BLTP1: variants seen among roughly 807,000 people sequenced by gnomAD.
BLTP1 encodes fragile site-associated protein.
chr4:122,310,053 A>C, the BLTP1 span, among the ~76,000 whole-genome samples: 4 of 151,954 alleles, frequency 2.6e-5, no homozygotes, highest in African/African-American at 9.7e-5. Flanking sequence ...AAGCATCATT[A>C]ATCTTAATAA....
chr4:122,237,390 A>AAAATCATGTATTGAGTGC, the BLTP1 span: 1 of 981,452 alleles, frequency 1.0e-6, no homozygotes, highest in Non-Finnish European at 1.2e-6. Flanking sequence ...GTTCATTCAT[A>AAAATCATGTATTGAGTGC]AAATCATGTA....
At chr4:122,166,724 T>A in the BLTP1 span, among the ~76,000 whole-genome samples, 20 of 152,312 alleles carry the variant, frequency 1.3e-4, no homozygotes, top group Non-Finnish European at 2.9e-4. Context: ...TGTTCTTCCA[T>A]TTGTTTGTAT....
the BLTP1 span, chr4:122,229,210 T>A: frequency 6.2e-7 from 1 of 1,611,328 alleles, no homozygotes; most frequent in Non-Finnish European, 8.5e-7. Flanking sequence ...ATATTTACAT[T>A]GTTGAGCATG....
the BLTP1 span, chr4:122,238,440 T>C: frequency 1.0e-6 from 1 of 979,248 alleles, no homozygotes. Flanking sequence ...CCCTCTCCAC[T>C]CCCCCACTTT....
the BLTP1 span, chr4:122,274,444 T>C: frequency 1.3e-6 from 2 of 1,589,512 alleles, no homozygotes; most frequent in Admixed American, 1.9e-5. Flanking sequence ...ACAGTAAGTA[T>C]GTCAGTTTTT....
the BLTP1 span, among the ~76,000 whole-genome samples, chr4:122,156,613 A>G: frequency 6.6e-6 from 1 of 152,264 alleles, no homozygotes; most frequent in Non-Finnish European, 1.5e-5. Context: ...AGCTAATGTC[A>G]TTTACTATTT....
chr4:122,243,040 G>A, the BLTP1 span: 4 of 1,612,482 alleles, frequency 2.5e-6, no homozygotes, highest in East Asian at 2.2e-5. Context: ...GCTAGACAGA[G>A]GCATGCAACT....
chr4:122,239,844 A>G, the BLTP1 span: 642 of 1,614,142 alleles, frequency 4.0e-4, 2 homozygotes, highest in Admixed American at 2.7e-4. Context: ...CAGCATGTCA[A>G]TGGCTGATAG....
the BLTP1 span, chr4:122,230,163 A>T: frequency 6.2e-7 from 1 of 1,614,182 alleles, no homozygotes; most frequent in Non-Finnish European, 8.5e-7. Context: ...CATTCTAAAC[A>T]TGAGGCACAA....
At chr4:122,339,262 A>G in the BLTP1 span, 3 of 1,613,758 alleles carry the variant, frequency 1.9e-6, no homozygotes, top group Non-Finnish European at 8.5e-7. Context: ...TGCATGTTAA[A>G]GCTGCCATCC....
chr4:122,344,729 A>G, the BLTP1 span: 1 of 1,274,240 alleles, frequency 7.8e-7, no homozygotes, highest in Non-Finnish European at 1.0e-6. Flanking sequence ...AATCCAAGTA[A>G]TAAATGTTAG....
chr4:122,299,706 T>G, the BLTP1 span: 4 of 670,792 alleles, frequency 6.0e-6, no homozygotes, highest in Non-Finnish European at 7.4e-6. Flanking sequence ...GATAGCTGGG[T>G]TGGGGGGGTG....
At chr4:122,262,913 G>T in the BLTP1 span, 1 of 1,614,094 alleles carries the variant, frequency 6.2e-7, no homozygotes, top group East Asian at 2.2e-5. Context: ...TCCCAAGCCT[G>T]CACAACCTCC....
At chr4:122,330,026 G>A in the BLTP1 span, among the ~76,000 whole-genome samples, 18 of 151,798 alleles carry the variant, frequency 1.2e-4, no homozygotes, top group African/African-American at 4.8e-5. Context: ...ATGTCCTCAA[G>A]TTCATACATG....
chr4:122,266,186 C>T, the BLTP1 span, among the ~76,000 whole-genome samples: 1 of 152,108 alleles, frequency 6.6e-6, no homozygotes, highest in Non-Finnish European at 1.5e-5. Context: ...TCTTTCTGTT[C>T]AGGTTAGTGC....
the BLTP1 span, chr4:122,193,588 A>G: frequency 1.7e-6 from 1 of 596,848 alleles, no homozygotes; most frequent in Non-Finnish European, 2.1e-6. Flanking sequence ...AAAGAAGGGG[A>G]CATTTACCAT....
chr4:122,199,183 T>A, the BLTP1 span: 1 of 320,420 alleles, frequency 3.1e-6, no homozygotes, highest in Non-Finnish European at 4.5e-6. Context: ...CTTTAGAACA[T>A]GAGAAGGATC....
the BLTP1 span, chr4:122,198,439 A>G: frequency 1.5e-5 from 15 of 985,330 alleles, no homozygotes; most frequent in African/African-American, 1.7e-5. Flanking sequence ...GTTTTACGCA[A>G]TTGATAATGT....
the BLTP1 span, chr4:122,188,235 T>A: frequency 9.8e-7 from 1 of 1,024,134 alleles, no homozygotes; most frequent in Non-Finnish European, 1.3e-6. Flanking sequence ...AATGTAGTCC[T>A]TCTTTATAGG....
Sources: allele counts gnomAD v4.1 joint callset (sites outside exome capture counted in the v4.1 genomes callset), GRCh38; gene constraint gnomAD v4.1.1; transcripts MANE v1.5; gene names NCBI Gene and HGNC (gene_info 2026-07-23, HGNC 2026-07-21).